Variants in AK9 observed in about 807,000 individuals in gnomAD.
AK9 encodes adenylate kinase domain containing 1.
AK9 carries 191 observed loss-of-function variants against 239.6 expected under a neutral mutation model. The ratio of observed to expected loss-of-function variants is 0.80; its 90% confidence interval spans 0.71 to 0.90. The LOEUF is 0.90. AK9 is among the 40% of genes least tolerant of loss of function. The pLI, the probability that AK9 is intolerant of heterozygous loss-of-function variation, is 0.00. For synonymous variants in AK9, 689 were observed against 721.0 expected (o/e 0.96, Z 0.71); for missense variants, 1,995 against 2,214.7 (o/e 0.90, Z 1.99).
intron 1 of AK9, among the ~76,000 whole-genome samples, chr6:109,677,261 T>C (rs1022894688): frequency 2.5e-4 from 38 of 152,176 alleles, no homozygotes; most frequent in Non-Finnish European, 4.9e-4. Flanking sequence ...TAAAATAAAA[T>C]GATATAGCAA....
intron 13 of AK9, among the ~76,000 whole-genome samples, chr6:109,615,984 G>A (rs747560770): frequency 2.0e-5 from 3 of 151,562 alleles, no homozygotes; most frequent in East Asian, 1.9e-4. Flanking sequence ...GCCTGTAATC[G>A]CAGCACTTTG....
chr6:109,506,857 C>T (rs894195067), intron 33 of AK9, 57 bp from the exon 34 acceptor site: 1 of 1,442,918 alleles, frequency 6.9e-7, no homozygotes, highest in African/African-American at 1.4e-5. Flanking sequence ...CTCGTACTTC[C>T]TTTCTGTCTT....
chr6:109,514,411 T>C lies in AK9; in HGVS notation c.4092A>G (p.Pro1364=). The C allele has an allele frequency of 6.5e-7, 1 of 1,549,000 alleles. No homozygotes were observed. The highest frequency in any genetic ancestry group is 1.4e-5 in the African/African-American group (1 of 72,976). The part of the protein sequence containing the change: ...VKLSEGETIK[P]VENAENPIYP... ...AAATTGGATTCTCTGCATTTTCAAC[T>C]GGCTTGATTGTCTCTCCTTCACTTA... Residue 1364 remains proline (P), a synonymous_variant, in exon 32 of 41, where the codon CCA becomes CCG. Coordinates refer to ENST00000424296, the MANE Select transcript of AK9 (RefSeq NM_001145128.3).
chr6:109,528,684 G>A (rs1780829110), intron 29 of AK9: 3 of 475,484 alleles, frequency 6.3e-6, no homozygotes, highest in Non-Finnish European at 1.2e-5. Context: ...ACACCAGGGT[G>A]ACATGTGGTT....
intron 17 of AK9, among the ~76,000 whole-genome samples, chr6:109,586,333 T>C (rs1305298936): frequency 1.3e-5 from 2 of 152,220 alleles, no homozygotes; most frequent in East Asian, 1.9e-4. Flanking sequence ...GGAGGATTGC[T>C]TGAGCCCAGG....
rs1801636281 is a variant in AK9 at position 109,668,749 on chromosome 6, T to C, written c.331+3170A>G. The stretch of plus-strand genomic sequence containing the variant: ...TTCTGAGGCCTCTGTTCTGTTCCAT[T>C]GGTCTATATCTCTGTTTTGGTACCA... On this transcript the variant is annotated intron_variant, in intron 5 of 40. Coordinates refer to ENST00000424296, the MANE Select transcript of AK9 (RefSeq NM_001145128.3). Among the ~76,000 whole-genome samples, 2 of 91,128 alleles carry C rather than the reference T, an allele frequency of 2.2e-5. 1 individual carries two copies. Among genetic ancestry groups the C allele is most frequent in the African/African-American group, 6.0e-5 (2 of 33,352 alleles). 59.8% of individuals were successfully genotyped at this position (91,128 alleles called of 152,430 possible). A position where few individuals can be genotyped will look rare whatever the true frequency, so the allele number is the denominator to read the frequency against.
intron 21 of AK9, among the ~76,000 whole-genome samples, chr6:109,566,812 C>G (rs1227077876): frequency 6.6e-6 from 1 of 152,100 alleles, no homozygotes; most frequent in Non-Finnish European, 1.5e-5. Flanking sequence ...AACTGAACAA[C>G]CTGCTCCTGA....
In AK9 at chr6:109,585,929, A is replaced by T; in HGVS notation, c.1986T>A (p.Asp662Glu). The stretch of plus-strand genomic sequence containing the variant: ...ATATTTACCAACCATTGTTTTCTGT[A>T]TCTGATAAATAGATGACCAAATCAG... ...IIPDLVIYLS[D>E]TENNGKCLFN... Residue 662 changes from aspartate (D) to glutamate (E), a missense_variant, in exon 18 of 41, where the codon GAT (aspartate) becomes GAA (glutamate). Coordinates refer to ENST00000424296, the MANE Select transcript of AK9 (RefSeq NM_001145128.3). 6.5e-7 allele frequency: 1 copy of T among 1,536,100 alleles called. No individual in the cohort carries two copies. Among genetic ancestry groups the T allele is most frequent in the Non-Finnish European group, 8.8e-7 (1 of 1,142,448 alleles).
At chr6:109,514,471 G>C in intron 31 of AK9, 34 bp from the exon 32 acceptor site, 1 of 1,477,538 alleles carries the variant, frequency 6.8e-7, no homozygotes, top group Non-Finnish European at 9.0e-7. Context: ...TTGAAAGTTA[G>C]TTTGAATTTT....
At chr6:109,685,253 C>T (rs1052937607) in intron 1 of AK9, among the ~76,000 whole-genome samples, 2 of 152,160 alleles carry the variant, frequency 1.3e-5, no homozygotes, top group Admixed American at 1.3e-4. Context: ...GATTAGAAAT[C>T]ATTCTACTAT....
At chr6:109,660,255 T>C (rs1338997743) in intron 6 of AK9, among the ~76,000 whole-genome samples, 2 of 152,150 alleles carry the variant, frequency 1.3e-5, no homozygotes, top group Admixed American at 6.6e-5. Flanking sequence ...TGAATGTTTT[T>C]CAGGATAAAA....
At chr6:109,528,232 T>G (rs1780761133) in intron 29 of AK9, 1 of 334,898 alleles carries the variant, frequency 3.0e-6, no homozygotes, top group African/African-American at 2.2e-5. Flanking sequence ...TAGTTAACTG[T>G]ACTTAATTCC....
intron 27 of AK9, among the ~76,000 whole-genome samples, chr6:109,534,269 A>G (rs10457195): frequency 0.35 from 51,264 of 146,840 alleles, 9,271 homozygotes; most frequent in South Asian, 0.44. Context: ...TGGAATGTTA[A>G]TTAGAGCACT....
At chr6:109,605,644 T>C (rs761192741) in intron 17 of AK9, among the ~76,000 whole-genome samples, 13 of 152,154 alleles carry the variant, frequency 8.5e-5, no homozygotes, top group Non-Finnish European at 1.9e-4. Flanking sequence ...GCATCTCCCA[T>C]GCCTTCAGGA....
chr6:109,536,574 T>C (rs1203225874), intron 27 of AK9, among the ~76,000 whole-genome samples: 2 of 152,216 alleles, frequency 1.3e-5, no homozygotes, highest in East Asian at 3.8e-4. Flanking sequence ...CTTCCTCTTT[T>C]CCTAACTGAA....
intron 1 of AK9, among the ~76,000 whole-genome samples, chr6:109,679,607 A>AG (rs1772323985): frequency 6.6e-6 from 1 of 152,192 alleles, no homozygotes; most frequent in Non-Finnish European, 1.5e-5. Context: ...AGCTCTGCTA[A>AG]GGGTCAGACT....
At chr6:109,572,984 T>C (rs908500126) in intron 21 of AK9, among the ~76,000 whole-genome samples, 3 of 152,170 alleles carry the variant, frequency 2.0e-5, no homozygotes, top group African/African-American at 7.2e-5. Flanking sequence ...AAAATGCTCT[T>C]ATATTTGCAT....
intron 12 of AK9, among the ~76,000 whole-genome samples, chr6:109,621,953 CAA>C (rs376483185): frequency 3.8e-5 from 3 of 79,458 alleles, no homozygotes; most frequent in Non-Finnish European, 7.7e-5. Context: ...GCAAAAAAAA[CAA>C]AAAAAAAAAC....
rs189530024 is a variant in AK9, at chr6:109,529,850, G to A, written c.3571-777C>T. Among the ~76,000 whole-genome samples the A allele has an allele frequency of 1.1e-4, 17 of 152,222 alleles. No individual in the cohort carries two copies. The South Asian group carries it at 1.7e-3, about 15-fold the overall frequency. On this transcript the variant is annotated intron_variant, in intron 28 of 40. Coordinates refer to ENST00000424296, the MANE Select transcript of AK9 (RefSeq NM_001145128.3). ...GGTAGTAATGTGAGTGATGGGGAGC[G>A]GCTGTAAATACAGATGAAGCTTCAC...
Sources: gnomAD v4.1 joint callset for allele counts (sites outside exome capture counted in the v4.1 genomes callset) on GRCh38, gnomAD v4.1.1 for gene constraint, MANE v1.5 for transcripts, NCBI Gene and HGNC (gene_info 2026-07-23, HGNC 2026-07-21) for gene names.